Variants in IFT80 observed in about 807,000 individuals in gnomAD.
The protein encoded by IFT80 is intraflagellar transport 80.
IFT80 carries 79 observed loss-of-function variants against 107.9 expected under a neutral mutation model. That is an observed-to-expected ratio of 0.73 (90% CI 0.61 to 0.88). The LOEUF (loss-of-function observed/expected upper bound fraction) is 0.88, where lower values mean the gene tolerates loss of function less well. Among genes scored for constraint, IFT80 ranks in the 40% least tolerant of loss-of-function variants. The pLI is 0.00. For synonymous variants in IFT80, 299 were observed against 300.9 expected (o/e 0.99, Z 0.07); for missense variants, 797 against 914.2 (o/e 0.87, Z 1.65).
intron 18 of IFT80, among the ~76,000 whole-genome samples, chr3:160,271,633 A>G (rs1713814623): frequency 6.6e-6 from 1 of 152,148 alleles, no homozygotes; most frequent in Non-Finnish European, 1.5e-5. Flanking sequence ...AACATGAAAG[A>G]CAGAAGCATA....
At chr3:160,382,002 A>G (rs1187893494) in intron 2 of IFT80, among the ~76,000 whole-genome samples, 1 of 152,202 alleles carries the variant, frequency 6.6e-6, no homozygotes, top group African/African-American at 2.4e-5. Context: ...GTGTTATACA[A>G]TATTCTATAC....
At position 160,382,950 on chromosome 3, in the gene IFT80, A is replaced by G. The variant is rs1484475505; in HGVS notation, c.38-1226T>C. Among the ~76,000 whole-genome samples, 9 of 152,210 alleles carry G rather than the reference A, an allele frequency of 5.9e-5. 1 individual carries two copies. Among genetic ancestry groups the G allele is most frequent in the African/African-American group, 2.2e-4 (9 of 41,464 alleles). ...ATACTCAAAACTCAAAACACAATCT[A>G]AACAAAAGGACAACAGACCATTCCT... On this transcript the variant is annotated intron_variant, in intron 2 of 19. Transcript: ENST00000326448.
chr3:160,359,711 C>T (rs548282858), intron 6 of IFT80, among the ~76,000 whole-genome samples: 73 of 152,278 alleles, frequency 4.8e-4, no homozygotes, highest in Middle Eastern at 6.8e-3. Context: ...CCCAGGCAAA[C>T]GGCCTGAAGT....
intron 12 of IFT80, among the ~76,000 whole-genome samples, chr3:160,290,144 C>T (rs1047036199): frequency 6.6e-6 from 1 of 152,084 alleles, no homozygotes; most frequent in Non-Finnish European, 1.5e-5. Context: ...GCCGGGCTCA[C>T]ACCTGTAATC....
At chr3:160,280,637 A>T (rs754934331) in intron 15 of IFT80, 30 bp downstream of exon 15, 82 of 1,590,170 alleles carry the variant, frequency 5.2e-5, no homozygotes, top group Non-Finnish European at 6.7e-5. Context: ...TATTTACTAC[A>T]AAACAGAATT....
At chr3:160,372,143 C>A (rs1711570998) in intron 5 of IFT80, among the ~76,000 whole-genome samples, 1 of 152,158 alleles carries the variant, frequency 6.6e-6, no homozygotes, top group South Asian at 2.1e-4. Flanking sequence ...AGGAATTAAT[C>A]TCTATTCATC....
intron 6 of IFT80, among the ~76,000 whole-genome samples, chr3:160,364,494 A>G (rs1306124973): frequency 2.0e-5 from 3 of 152,182 alleles, no homozygotes; most frequent in Non-Finnish European, 4.4e-5. Flanking sequence ...CAGCCATCCC[A>G]TTACTGGGTA....
chr3:160,271,634 C>A (rs1384384890), intron 18 of IFT80, among the ~76,000 whole-genome samples: 1 of 152,058 alleles, frequency 6.6e-6, no homozygotes, highest in Non-Finnish European at 1.5e-5. Context: ...ACATGAAAGA[C>A]AGAAGCATAA....
At chr3:160,371,114 TA>T (rs1320220492) in intron 5 of IFT80, among the ~76,000 whole-genome samples, 3 of 152,178 alleles carry the variant, frequency 2.0e-5, no homozygotes, top group African/African-American at 4.8e-5. Context: ...CCCTTGGCAG[TA>T]CTATCCTTCA....
intron 3 of IFT80, 113 bp downstream of exon 3, chr3:160,381,390 T>TA (rs1712506704): frequency 5.0e-6 from 4 of 800,226 alleles, no homozygotes; most frequent in Middle Eastern, 6.7e-4. Context: ...AATATGTGGA[T>TA]AAAAATATGC....
At chr3:160,285,718 G>C in intron 13 of IFT80, 86 bp downstream of exon 13, 2 of 908,308 alleles carry the variant, frequency 2.2e-6, no homozygotes, top group East Asian at 2.6e-5. Context: ...ATTCCTTTGT[G>C]TCCTCTTTAA....
intron 8 of IFT80, chr3:160,342,988 T>G (rs1720026574): frequency 6.5e-6 from 1 of 154,536 alleles, no homozygotes; most frequent in East Asian, 1.8e-4. Context: ...ACAGAATCTG[T>G]GTGATGCTGT....
chr3:160,296,948 C>T (rs1279979736), intron 12 of IFT80, among the ~76,000 whole-genome samples: 1 of 152,252 alleles, frequency 6.6e-6, no homozygotes, highest in Non-Finnish European at 1.5e-5. Context: ...TATCTGACAA[C>T]CCTTGATCTT....
rs140299808 is a variant in IFT80, at chr3:160,299,681, T to C, written c.1315+1202A>G. Among the ~76,000 whole-genome samples, 1,025 of 152,262 alleles carry C rather than the reference T, an allele frequency of 6.7e-3. 7 individuals carry two copies. Among genetic ancestry groups the C allele is most frequent in the Non-Finnish European group, 0.011 (782 of 68,020 alleles). ...GTGTTATGGCTTTAAGCGCTAGCAG[T>C]ATACCAATGACCACCAAATTTATAT... On this transcript the variant is annotated intron_variant, in intron 12 of 19. Transcript: ENST00000326448.
rs375407595 is a variant in IFT80, at chr3:160,319,913, G to A, written c.804C>T (p.Asn268=). 1.2e-4 allele frequency: 199 copies of A among 1,611,750 alleles called. No individual in the cohort carries two copies. The highest frequency in any genetic ancestry group is 1.4e-4 in the Non-Finnish European group (163 of 1,179,070). The change falls in exon 9 of 20, where the codon AAC becomes AAT. Residue 268 remains asparagine, a synonymous_variant. Transcript: ENST00000326448. ...ATGCAATATTAAATATGCTGCCAGT[G>A]TTGGGTTTTTCTAATGCATATGACC... The part of the protein sequence containing the change: ...TGWSYALEKP[N]TGSIFNIAWS...
At chr3:160,394,123 A>G (rs982368579) in intron 1 of IFT80, 2 of 152,268 alleles carry the variant, frequency 1.3e-5, no homozygotes, top group Non-Finnish European at 2.9e-5. Context: ...GATCTCTTGT[A>G]CAGTAGAAAA....
intron 5 of IFT80, among the ~76,000 whole-genome samples, chr3:160,370,299 A>C (rs1000568997): frequency 1.3e-5 from 2 of 152,128 alleles, no homozygotes; most frequent in African/African-American, 4.8e-5. Flanking sequence ...ATATAGCACT[A>C]TCTGTTAACT....
At chr3:160,299,170 G>A in intron 12 of IFT80, 15 of 989,554 alleles carry the variant, frequency 1.5e-5, no homozygotes, top group Non-Finnish European at 1.5e-5. Flanking sequence ...TCTTAATTCT[G>A]TCTGCCATCT....
intron 9 of IFT80, among the ~76,000 whole-genome samples, chr3:160,311,385 T>C (rs962696659): frequency 6.6e-6 from 1 of 152,108 alleles, no homozygotes; most frequent in African/African-American, 2.4e-5. Context: ...ATTGGAGAAA[T>C]GTGATCTGTT....
Sources: allele counts gnomAD v4.1 joint callset (sites outside exome capture counted in the v4.1 genomes callset), GRCh38; gene constraint gnomAD v4.1.1; transcripts MANE v1.5; gene names NCBI Gene and HGNC (gene_info 2026-07-23, HGNC 2026-07-21).